CUL4B: variants seen among roughly 807,000 people sequenced by gnomAD.
CUL4B encodes the protein cullin 4B, also known as cullin-4B.
A neutral mutation model predicts 69.2 loss-of-function variants in CUL4B; 1 was observed. That is an observed-to-expected ratio of 0.01 (90% CI 0.01 to 0.07). The LOEUF is 0.07. Among genes scored for constraint, CUL4B ranks in the 10% least tolerant of loss-of-function variants. The pLI is 1.00. For missense variants in CUL4B, 328 were observed against 638.8 expected, an observed-to-expected ratio of 0.51 and a Z score of 5.24; for synonymous variants, 237 against 223.2, an observed-to-expected ratio of 1.06 and a Z score of -0.55.
downstream of CUL4B, among the ~76,000 whole-genome samples, chrX:120,570,248 C>T (rs749726413): frequency 9.8e-5 from 11 of 111,691 alleles, no homozygotes; most frequent in Non-Finnish European, 2.1e-4. Context: ...GGGTTTGACA[C>T]GTGCAAAGTA....
chrX:120,554,074 T>C lies in CUL4B; in HGVS notation c.672+3850A>G, dbSNP rs189953716. 2.2e-3 allele frequency among the ~76,000 whole-genome samples: 241 copies of C among 111,878 alleles called. 1 individual carries two copies. The highest frequency in any genetic ancestry group is 7.2e-3 in the African/African-American group (222 of 30,773). On this transcript the variant is annotated intron_variant, in intron 2 of 19. Transcript: ENST00000371322. ...AGTGTAGATTTAGAATTTAAAATCG[T>C]GTGGCTTCAGAGCTCTAAAATAAAA...
At chrX:120,569,731 C>T (rs1266234858), downstream of CUL4B, among the ~76,000 whole-genome samples, 1 of 111,238 alleles carries the variant, frequency 9.0e-6, no homozygotes, top group Admixed American at 9.6e-5. Context: ...TGACAAAGGC[C>T]ACTATGAGAA....
intron 17 of CUL4B, 59 bp downstream of exon 17, chrX:120,534,422 C>A (rs1347319424): frequency 1.3e-6 from 1 of 778,033 alleles, no homozygotes; most frequent in African/African-American, 2.1e-5. Context: ...TAAATATGTC[C>A]CCCAGACCTC....
At chrX:120,543,650 CATGT>C in intron 8 of CUL4B, 73 bp downstream of exon 8, 4 of 693,322 alleles carry the variant, frequency 5.8e-6, no homozygotes, top group Non-Finnish European at 9.4e-6. Context: ...CAGTTACTAA[CATGT>C]TTAGGATGGC....
At chrX:120,569,574 A>T (rs1267552893), downstream of CUL4B, among the ~76,000 whole-genome samples, 2 of 111,060 alleles carry the variant, frequency 1.8e-5, no homozygotes, top group Non-Finnish European at 3.8e-5. Flanking sequence ...GTTAGCCAGG[A>T]TGGTCTCGAT....
downstream of CUL4B, among the ~76,000 whole-genome samples, chrX:120,568,286 A>C (rs1171360900): frequency 8.9e-6 from 1 of 111,909 alleles, no homozygotes; most frequent in African/African-American, 3.3e-5. Context: ...GCCTAGGGCC[A>C]ATCCTGCTTT....
At chrX:120,575,290 G>A (rs1193966701) in intron 1 of CUL4B, 1 of 112,543 alleles carries the variant, frequency 8.9e-6, no homozygotes. Flanking sequence ...CTAAAAATGT[G>A]GCTTTGCTTA....
At chrX:120,567,360 C>T (rs111274026), downstream of CUL4B, among the ~76,000 whole-genome samples, 10 of 109,740 alleles carry the variant, frequency 9.1e-5, no homozygotes, top group African/African-American at 3.3e-4. Context: ...CTCCTGACCT[C>T]AGGTGATCCG....
chrX:120,564,173 T>G (rs1226091591), upstream of CUL4B, among the ~76,000 whole-genome samples: 4 of 111,147 alleles, frequency 3.6e-5, no homozygotes, highest in East Asian at 2.8e-4. Flanking sequence ...CATGGTGGTG[T>G]TCACCTGTAA....
At chrX:120,562,651 A>T (rs973485622), upstream of CUL4B, among the ~76,000 whole-genome samples, 2 of 112,137 alleles carry the variant, frequency 1.8e-5, no homozygotes, top group African/African-American at 3.2e-5. Context: ...GCTGTGTCTC[A>T]AAGTGGGAGT....
intron 16 of CUL4B, among the ~76,000 whole-genome samples, chrX:120,535,476 G>A (rs753205902): frequency 1.2e-3 from 128 of 110,115 alleles, no homozygotes; most frequent in African/African-American, 3.8e-3. Context: ...AGGCCGAGGC[G>A]CGTGGATCAC....
intron 17 of CUL4B, among the ~76,000 whole-genome samples, chrX:120,533,035 G>T (rs1055091341): frequency 5.3e-5 from 6 of 112,329 alleles, no homozygotes; most frequent in African/African-American, 1.9e-4. Flanking sequence ...CTGTAGTTAC[G>T]TCCAAAATTT....
intron 5 of CUL4B, among the ~76,000 whole-genome samples, chrX:120,545,201 T>C: frequency 8.9e-6 from 1 of 112,083 alleles, no homozygotes; most frequent in Non-Finnish European, 1.9e-5. Flanking sequence ...CAGAGCAAAC[T>C]TTAGTCCCCT....
intron 2 of CUL4B, among the ~76,000 whole-genome samples, chrX:120,556,895 A>T (rs1258691803): frequency 1.2e-5 from 1 of 85,137 alleles, no homozygotes; most frequent in East Asian, 3.8e-4. Flanking sequence ...AAGCTATTGT[A>T]CTCTGAAGTA....
chrX:120,574,909 T>C (rs1351631073), intron 1 of CUL4B, among the ~76,000 whole-genome samples: 2 of 112,364 alleles, frequency 1.8e-5, no homozygotes, highest in African/African-American at 6.5e-5. Context: ...AAGCCTGACA[T>C]GCCATTTTAA....
chrX:120,571,901 A>G (rs1312657980), exon 3 of CUL4B: 1 of 110,381 alleles, frequency 9.1e-6, no homozygotes. Context: ...GGAGTTGAAT[A>G]TGCACCGATT....
intron 16 of CUL4B, 56 bp from the exon 17 acceptor site, chrX:120,534,642 T>A: frequency 1.3e-6 from 1 of 779,672 alleles, no homozygotes; most frequent in Non-Finnish European, 2.0e-6. Flanking sequence ...CATGAAAAAT[T>A]AATCATCTCT....
chrX:120,535,907 G>C lies in CUL4B; in HGVS notation c.2083C>G (p.Leu695Val). The C allele has an allele frequency of 8.3e-7, 1 of 1,204,289 alleles. No individual in the cohort carries two copies. Among genetic ancestry groups the C allele is most frequent in the Non-Finnish European group, 1.1e-6 (1 of 889,366 alleles). The change falls in exon 16 of 20, where the codon CTA (leucine) becomes GTA (valine). Residue 695 changes from leucine (L) to valine (V), a missense_variant. Around this residue, in one of 4 missense-constraint regions of CUL4B, gnomAD observed 98 missense variants for 296.8 expected, o/e 0.33. Coordinates refer to ENST00000371322, the MANE Select transcript of CUL4B (RefSeq NM_001079872.2). ...AGTTTCCTGCCACTATGTTTGCCTA[G>C]GTAAAATGTCTTGAAAATCTCCTGA... ...KLQEIFKTFY[L>V]GKHSGRKLQW...
At position 120,541,624 on chromosome X, in the gene CUL4B, T is replaced by C; in HGVS notation, c.1421A>G (p.Gln474Arg). 8.3e-7 allele frequency: 1 copy of C among 1,199,401 alleles called. No individual in the cohort carries two copies. Among genetic ancestry groups the C allele is most frequent in the Non-Finnish European group, 1.1e-6 (1 of 884,138 alleles). Reference sequence around the variant, plus strand: ...TACCTTGATATATTCGATCCACTGCTGCAAAAGAACCTGAACTCCACCTCG... The same window carrying C: ...TACCTTGATATATTCGATCCACTGCCGCAAAAGAACCTGAACTCCACCTCG... Reference protein sequence around the residue: ...RVRGGVQVLLQQWIEYIKAFG... With the variant: ...RVRGGVQVLLRQWIEYIKAFG... The change falls in exon 10 of 20, where the codon CAG (glutamine) becomes CGG (arginine). Residue 474 changes from glutamine to arginine, a missense_variant. Around this residue, in one of 4 missense-constraint regions of CUL4B, gnomAD observed 126 missense variants for 202.5 expected, o/e 0.62. Coordinates refer to ENST00000371322, the MANE Select transcript of CUL4B (RefSeq NM_001079872.2).
Sources: allele counts gnomAD v4.1 joint callset (sites outside exome capture counted in the v4.1 genomes callset), GRCh38; gene constraint gnomAD v4.1.1; regional missense constraint gnomAD v4.1.1; transcripts MANE v1.5; gene names NCBI Gene and HGNC (gene_info 2026-07-23, HGNC 2026-07-21).